The following JARID2 variants were observed in gnomAD, a reference collection of about 807,000 sequenced individuals.
The protein encoded by JARID2 is jumonji and AT-rich interaction domain containing 2, also known as protein Jumonji.
Under a neutral mutation model 125.6 loss-of-function variants are expected in JARID2, and 21 were observed. The observed-to-expected ratio is 0.17, with a 90% CI of 0.12 to 0.24. JARID2 has a LOEUF of 0.24. Ranked by LOEUF, JARID2 falls within the 10% of genes least tolerant of loss-of-function variation. JARID2 has a pLI of 1.00. For missense variants in JARID2, 1,303 were observed against 1,639.6 expected, an observed-to-expected ratio of 0.79 and a Z score of 3.55; for synonymous variants, 736 against 661.6, an observed-to-expected ratio of 1.11 and a Z score of -1.73.
At chr6:15,473,414 C>G (rs189113886) in intron 5 of JARID2, among the ~76,000 whole-genome samples, 47 of 149,474 alleles carry the variant, frequency 3.1e-4, no homozygotes, top group African/African-American at 1.2e-3. Flanking sequence ...GTGTGTTTCT[C>G]CTGATGAAAC....
chr6:15,466,654 T>G (rs1263443006), intron 4 of JARID2, among the ~76,000 whole-genome samples: 1 of 152,238 alleles, frequency 6.6e-6, no homozygotes, highest in Non-Finnish European at 1.5e-5. Flanking sequence ...TTGTATTTGA[T>G]TAGATAACCT....
chr6:15,250,160 G>A (rs1038511068), intron 1 of JARID2, among the ~76,000 whole-genome samples: 3 of 152,184 alleles, frequency 2.0e-5, no homozygotes, highest in African/African-American at 7.2e-5. Flanking sequence ...CCACTAGGCT[G>A]TAAGTTTTAA....
At chr6:15,316,233 C>T (rs1581403854) in intron 1 of JARID2, among the ~76,000 whole-genome samples, 1 of 151,952 alleles carries the variant, frequency 6.6e-6, no homozygotes, top group African/African-American at 2.4e-5. Flanking sequence ...GATTCTCCTG[C>T]CTCAGCCTCC....
chr6:15,317,000 A>G (rs938568248), intron 1 of JARID2, among the ~76,000 whole-genome samples: 32 of 152,320 alleles, frequency 2.1e-4, no homozygotes, highest in East Asian at 1.2e-3. Context: ...TGGGGTTTCA[A>G]TGAGTGTACT....
intron 5 of JARID2, among the ~76,000 whole-genome samples, chr6:15,483,739 T>C (rs1294962490): frequency 2.0e-5 from 3 of 152,218 alleles, no homozygotes; most frequent in East Asian, 3.9e-4. Context: ...TATGTGGACA[T>C]ATTTTTTATT....
chr6:15,418,833 C>T (rs1445229779), intron 3 of JARID2, among the ~76,000 whole-genome samples: 1 of 152,146 alleles, frequency 6.6e-6, no homozygotes, highest in Non-Finnish European at 1.5e-5. Flanking sequence ...GGTGAGAATT[C>T]TCTCAGGCTT....
chr6:15,439,573 C>T (rs1338835428), intron 3 of JARID2, among the ~76,000 whole-genome samples: 4 of 152,170 alleles, frequency 2.6e-5, no homozygotes, highest in African/African-American at 7.2e-5. Flanking sequence ...GGAAAATGGG[C>T]TTAAGCAGGA....
In JARID2 at chr6:15,302,010, A is replaced by G. The variant is rs138777515; in HGVS notation, c.45+55426A>G. On this transcript the variant is annotated intron_variant, in intron 1 of 17. Transcript: ENST00000341776. ...AAGAATAGTTTATAGCTCTTTGGAC[A>G]TAGGAGGGAAACGTGATACCTTTTC... Among the ~76,000 whole-genome samples the G allele has an allele frequency of 4.8e-4, 73 of 152,336 alleles. No individual in the cohort carries two copies. The East Asian group carries it at 0.013, about 27-fold the overall frequency.
In JARID2 at chr6:15,434,139, G is replaced by GT. The variant is rs11296644; in HGVS notation, c.324-17856dup. ...TCCACCCTTCACTGTGTTCCTAACAGTTTTTTTTTTTATTTTTATTTTTTA... is the reference window on the plus strand; with the variant it reads ...TCCACCCTTCACTGTGTTCCTAACAGTTTTTTTTTTTTATTTTTATTTTTTA... On this transcript the variant is annotated intron_variant, in intron 3 of 17. Coordinates refer to ENST00000341776, the MANE Select transcript of JARID2 (RefSeq NM_004973.4). Among the ~76,000 whole-genome samples, 46 of 149,536 alleles carry GT rather than the reference G, an allele frequency of 3.1e-4. 2 individuals are homozygous for GT. The Middle Eastern group carries it at 0.021, about 67-fold the overall frequency.
chr6:15,271,336 T>C (rs1431359156), intron 1 of JARID2, among the ~76,000 whole-genome samples: 5 of 152,188 alleles, frequency 3.3e-5, no homozygotes, highest in Non-Finnish European at 5.9e-5. Flanking sequence ...TTCTGCATTC[T>C]AACAAACTCT....
rs1056487681 is a variant in JARID2 at position 15,300,265 on chromosome 6, C to A, written c.45+53681C>A. On this transcript the variant is annotated intron_variant, in intron 1 of 17. Transcript: ENST00000341776. Reference sequence around the variant, plus strand: ...CTTTTCTCTTGTAAACACTTAAAAACCTCTAAGGCTAATGAGCAAAGCCTG... The same window carrying A: ...CTTTTCTCTTGTAAACACTTAAAAAACTCTAAGGCTAATGAGCAAAGCCTG... Among the ~76,000 whole-genome samples the A allele has an allele frequency of 7.2e-5, 11 of 152,252 alleles. No individual in the cohort carries two copies. The East Asian group carries it at 1.5e-3, about 21-fold the overall frequency.
chr6:15,344,422 G>A (rs1038542858), intron 1 of JARID2, among the ~76,000 whole-genome samples: 4 of 151,832 alleles, frequency 2.6e-5, no homozygotes, highest in Non-Finnish European at 5.9e-5. Flanking sequence ...ATTAAAAAAC[G>A]TGACTGAGAG....
At chr6:15,501,475 G>A in intron 8 of JARID2, 66 bp downstream of exon 8, 3 of 1,455,220 alleles carry the variant, frequency 2.1e-6, no homozygotes, top group South Asian at 2.8e-5. Flanking sequence ...AGAGGAAGTG[G>A]AGCGTGCTAT....
At chr6:15,388,316 AG>A (rs1252659307) in intron 2 of JARID2, among the ~76,000 whole-genome samples, 1 of 152,156 alleles carries the variant, frequency 6.6e-6, no homozygotes, top group Non-Finnish European at 1.5e-5. Context: ...TATCTTTAAA[AG>A]CCAGAAGAGT....
At chr6:15,295,334 G>A (rs1363521402) in intron 1 of JARID2, among the ~76,000 whole-genome samples, 1 of 152,014 alleles carries the variant, frequency 6.6e-6, no homozygotes, top group Non-Finnish European at 1.5e-5. Context: ...TGTTAGCCAG[G>A]ATGGTCTTGA....
At chr6:15,451,897 T>G in intron 3 of JARID2, 109 bp from the exon 4 acceptor site, 1 of 1,085,696 alleles carries the variant, frequency 9.2e-7, no homozygotes, top group Non-Finnish European at 1.3e-6. Context: ...AGAGTTTGCT[T>G]GAAATAGGAT....
chr6:15,327,779 G>C (rs1328871079), intron 1 of JARID2, among the ~76,000 whole-genome samples: 1 of 152,176 alleles, frequency 6.6e-6, no homozygotes, highest in African/African-American at 2.4e-5. Context: ...GAATGGGCTT[G>C]GTTGTGACCT....
At chr6:15,280,028 C>T (rs572821019) in intron 1 of JARID2, among the ~76,000 whole-genome samples, 43 of 152,280 alleles carry the variant, frequency 2.8e-4, no homozygotes, top group African/African-American at 9.1e-4. Flanking sequence ...ATCTGGGGCA[C>T]TTACCACCTA....
rs1767945994 is a variant in JARID2 at position 15,452,144 on chromosome 6, A to G, written c.462A>G (p.Thr154=). Residue 154 remains threonine (T), a synonymous_variant, in exon 4 of 18, where the codon ACA becomes ACG. Coordinates refer to ENST00000341776, the MANE Select transcript of JARID2 (RefSeq NM_004973.4). Reference sequence around the variant, plus strand: ...ACCTCTCTAAAAGGAAGCCTAAGACAGAAGATTTTCTTACCTTTCTCTGCC... The same window carrying G: ...ACCTCTCTAAAAGGAAGCCTAAGACGGAAGATTTTCTTACCTTTCTCTGCC... ...ISDLSKRKPK[T]EDFLTFLCLR... 6.2e-7 allele frequency: 1 copy of G among 1,614,036 alleles called. No homozygotes were observed. The highest frequency in any genetic ancestry group is 1.3e-5 in the African/African-American group (1 of 75,024).
Sources: gnomAD v4.1 joint callset for allele counts (sites outside exome capture counted in the v4.1 genomes callset) on GRCh38, gnomAD v4.1.1 for gene constraint, MANE v1.5 for transcripts, NCBI Gene and HGNC (gene_info 2026-07-23, HGNC 2026-07-21) for gene names.